The following RGS11 variants were observed in gnomAD, a reference collection of about 807,000 sequenced individuals.
RGS11 encodes regulator of G-protein signaling 11.
Under a neutral mutation model 71.1 loss-of-function variants are expected in RGS11, and 86 were observed. The ratio of observed to expected loss-of-function variants is 1.21; its 90% CI spans 1.02 to 1.45. The LOEUF (loss-of-function observed/expected upper bound fraction) is 1.45. RGS11 is among the 40% of genes most tolerant of loss of function. The pLI, the probability that RGS11 is intolerant of heterozygous loss-of-function variation, is 0.00. For missense variants in RGS11, 734 were observed against 635.1 expected (o/e 1.16, Z -1.67); for synonymous variants, 298 against 254.2 (o/e 1.17, Z -1.64).
rs182024637 is a variant in RGS11, at chr16:270,622, G to T, written c.1107C>A (p.Ile369=). 1,110 of 1,608,608 alleles carry T rather than the reference G, an allele frequency of 6.9e-4. 4 individuals are homozygous for T. The East Asian group carries it at 0.019, about 27-fold the overall frequency. Residue 369 remains isoleucine (I), a synonymous_variant, in exon 15 of 17, where the codon ATC becomes ATA. Coordinates refer to ENST00000397770, the MANE Select transcript of RGS11 (RefSeq NM_183337.3). ...LAPGAAHWVN[I]DSRTMEQTLE... ...GGGTCTGCTCCATGGTCCGGCTGTC[G>T]ATGTTGACCCAGTGGGCAGCTCCGG...
At chr16:270,400 G>A (rs2051874606) in intron 15 of RGS11, 123 bp downstream of exon 15, 3 of 1,204,704 alleles carry the variant, frequency 2.5e-6, no homozygotes, top group South Asian at 1.5e-5. Context: ...AGGTGGGGAA[G>A]GTGCTCCCCA....
Position 271,019 on chromosome 16 carries a change from GCCCGCCCCA to G in RGS11, c.935_943del (p.Val312_Arg314del). ...CTTTCCCAGAAAGTCCATGAAGTGG[GCCCGCCCCA>G]CGGGGTCCTCCAGGAGCTCCCGGAA... On this transcript the variant is annotated inframe_deletion, in exon 13 of 17. Transcript: ENST00000397770. 1 of 1,612,378 alleles carries G rather than the reference GCCCGCCCCA, an allele frequency of 6.2e-7. No individual in the cohort carries two copies. The highest frequency in any genetic ancestry group is 8.5e-7 in the Non-Finnish European group (1 of 1,179,848).
chr16:269,665 A>G (rs1297234693), intron 15 of RGS11, 80 bp from the exon 16 acceptor site: 4 of 1,111,888 alleles, frequency 3.6e-6, no homozygotes, highest in East Asian at 2.4e-5. Context: ...GCAGCCAAAC[A>G]TTGCTGGAGC....
intron 4 of RGS11, chr16:274,671 G>A: frequency 1.5e-6 from 1 of 665,922 alleles, no homozygotes; most frequent in Non-Finnish European, 2.8e-6. Flanking sequence ...CCTCCCTCAG[G>A]ACCTGGGCCT....
intron 15 of RGS11, 81 bp downstream of exon 15, chr16:270,442 G>T: frequency 1.4e-6 from 2 of 1,469,094 alleles, no homozygotes. Context: ...GTGCCTGTGC[G>T]GACAGAGCCC....
chr16:275,457 GC>G lies in RGS11; in HGVS notation c.104del (p.Gly35AlafsTer2), dbSNP rs2052129033. ...GCAGGCGCTGGCTCCGCATCTTCAC[GC>G]CCTGGTCGGGGTCCTGCATGCTCAC... ...VVVSMQDPDQGVKMRSQRLLV... is the reference protein window; with the variant it reads ...VVVSMQDPDQXVKMRSQRLLV... On this transcript the variant is annotated frameshift_variant, in exon 2 of 17. Transcript: ENST00000397770. LOFTEE classifies it high-confidence loss of function. 6.3e-7 allele frequency: 1 copy of G among 1,594,428 alleles called. No individual in the cohort carries two copies. The highest frequency in any genetic ancestry group is 8.5e-7 in the Non-Finnish European group (1 of 1,177,366).
chr16:271,591 G>A (rs1473706422), intron 9 of RGS11, 22 bp from the exon 10 acceptor site: 1 of 1,612,236 alleles, frequency 6.2e-7, no homozygotes, highest in Admixed American at 1.7e-5. Flanking sequence ...TAGGTGGGCT[G>A]CAGTTAGATG....
chr16:275,895 G>T lies in RGS11; in HGVS notation c.17C>A (p.Ala6Glu). Residue 6 changes from alanine to glutamate, a missense_variant, in exon 1 of 17, where the codon GCG becomes GAG. By Grantham distance (107) the Ala-to-Glu change is moderately radical. Transcript: ENST00000397770. MAAGP[A>E]PPPGRPRAQM... is the part of the protein sequence containing the mutation. ...CGCCCGGGGGCGGCCGGGGGGCGGC[G>T]CGGGGCCGGCGGCCATGGCTGCGGG... 2.2e-6 allele frequency: 2 copies of T among 890,796 alleles called. No homozygotes were observed. Among genetic ancestry groups the T allele is most frequent in the African/African-American group, 1.8e-5 (1 of 55,156 alleles). The allele number at this position is 890,796 out of a possible 1,614,324, so 55.2% of individuals were successfully genotyped here.
At chr16:272,259 G>T in intron 9 of RGS11, 1 of 1,226,536 alleles carries the variant, frequency 8.2e-7, no homozygotes, top group African/African-American at 1.6e-5. Context: ...CCTCGCTGGG[G>T]CCAGAGCGGA....
intron 6 of RGS11, 64 bp downstream of exon 6, chr16:273,979 C>A (rs754480699): frequency 2.1e-6 from 3 of 1,448,774 alleles, no homozygotes; most frequent in Non-Finnish European, 2.8e-6. Flanking sequence ...CCCGGGGGGC[C>A]GTGAGTGAGG....
rs116142001 is a variant in RGS11 at position 272,610 on chromosome 16, C to T, written c.657+253G>A. Reference sequence around the variant, plus strand: ...TCTGGAGAAGAGCCCCCTTCCTCCCCGCCAGCCCCCTCGTCCCCACCACTC... The same window carrying T: ...TCTGGAGAAGAGCCCCCTTCCTCCCTGCCAGCCCCCTCGTCCCCACCACTC... On this transcript the variant is annotated intron_variant, in intron 9 of 16. Coordinates refer to ENST00000397770, the MANE Select transcript of RGS11 (RefSeq NM_183337.3). The T allele has an allele frequency of 1.8e-3, 2,573 of 1,455,386 alleles. 37 individuals carry two copies. In the African/African-American group the frequency reaches 0.032, roughly 18 times the overall value. The allele number at this position is 1,455,386 out of a possible 1,614,324, so 90.2% of individuals were successfully genotyped here.
At chr16:273,961 C>T (rs557915878) in intron 6 of RGS11, 82 bp downstream of exon 6, 6 of 1,467,252 alleles carry the variant, frequency 4.1e-6, no homozygotes, top group East Asian at 2.5e-5. Context: ...TGGGGTAAAC[C>T]GTGAAGCCCC....
At chr16:272,996 G>C in intron 8 of RGS11, 65 bp from the exon 9 acceptor site, 2 of 1,380,814 alleles carry the variant, frequency 1.4e-6, no homozygotes, top group East Asian at 2.6e-5. Context: ...TTAAGGCTAA[G>C]TTCCCCCTCC....
At chr16:273,001 C>T in intron 8 of RGS11, 70 bp from the exon 9 acceptor site, 7 of 1,326,638 alleles carry the variant, frequency 5.3e-6, no homozygotes, top group South Asian at 1.5e-5. Flanking sequence ...GCTAAGTTCC[C>T]CCTCCCAGAC....
chr16:268,688 C>T lies in RGS11; in HGVS notation c.*581G>A, dbSNP rs938134541. The T allele has an allele frequency of 1.6e-5, 22 of 1,392,682 alleles. No homozygotes were observed. The East Asian group carries it at 3.0e-4, about 19-fold the overall frequency. 86.3% of individuals were successfully genotyped at this position (1,392,682 alleles called of 1,614,324 possible). A position where few individuals can be genotyped will look rare whatever the true frequency, so the allele number is the denominator to read the frequency against. On this transcript the variant is annotated 3_prime_UTR_variant, in exon 17 of 17. Coordinates refer to ENST00000397770, the MANE Select transcript of RGS11 (RefSeq NM_183337.3). ...GCACCTGTGGACAAATTCTGGAACG[C>T]GTTTGGCGAGGGAGGAATAGGCGCA...
chr16:272,721 T>C, intron 9 of RGS11, 142 bp downstream of exon 9: 1 of 1,489,762 alleles, frequency 6.7e-7, no homozygotes, highest in Non-Finnish European at 8.9e-7. Context: ...TGACCGGGAG[T>C]GAGCAGGGGC....
intron 13 of RGS11, 53 bp from the exon 14 acceptor site, chr16:270,884 C>T (rs1056824882): frequency 5.9e-5 from 93 of 1,589,266 alleles, no homozygotes; most frequent in South Asian, 1.8e-4. Context: ...CAGCCAGGGC[C>T]GGTGGGGGGT....
rs953554039 is a variant in RGS11 at position 268,386 on chromosome 16, A to G, written c.*883T>C. The G allele has an allele frequency of 1.1e-4, 34 of 304,954 alleles. No homozygotes were observed. The highest frequency in any genetic ancestry group is 7.1e-4 in the African/African-American group (33 of 46,566). 18.9% of individuals were successfully genotyped at this position (304,954 alleles called of 1,614,324 possible). A position where few individuals can be genotyped will look rare whatever the true frequency, so the allele number is the denominator to read the frequency against. ...GAGTGACTGGATGTGAGCCAGCCCT[A>G]TGGGTGGGGATGGCACCGCCCTACC... is the stretch of plus-strand genomic sequence containing the variant. On this transcript the variant is annotated 3_prime_UTR_variant, in exon 17 of 17. Coordinates refer to ENST00000397770, the MANE Select transcript of RGS11 (RefSeq NM_183337.3).
chr16:274,315 C>T (rs775013300), intron 4 of RGS11, 50 bp from the exon 5 acceptor site: 2 of 1,561,896 alleles, frequency 1.3e-6, no homozygotes, highest in Non-Finnish European at 1.7e-6. Context: ...TCTGTGCCTC[C>T]CCAGTGTCAC....
Sources: gnomAD v4.1 joint callset for allele counts on GRCh38, gnomAD v4.1.1 for gene constraint, MANE v1.5 for transcripts, NCBI Gene and HGNC (gene_info 2026-07-23, HGNC 2026-07-21) for gene names.